The following ROBO2 variants were observed in gnomAD, a reference collection of about 807,000 sequenced individuals.
ROBO2 encodes roundabout guidance receptor 2.
Under a neutral mutation model 160.8 loss-of-function variants are expected in ROBO2, and 53 were observed. The observed-to-expected ratio is 0.33, with a 90% CI of 0.26 to 0.41. The LOEUF is 0.41. ROBO2 is among the 10% of genes least tolerant of loss of function. The pLI, the probability that ROBO2 is intolerant of heterozygous loss-of-function variation, is 1.00. For synonymous variants in ROBO2, 664 were observed against 611.7 expected, an observed-to-expected ratio of 1.09 and a Z score of -1.26; for missense variants, 1,577 against 1,722.4, an observed-to-expected ratio of 0.92 and a Z score of 1.49.
chr3:77,360,931 G>C (rs1482608797), intron 2 of ROBO2, among the ~76,000 whole-genome samples: 1 of 150,922 alleles, frequency 6.6e-6, no homozygotes, highest in African/African-American at 2.4e-5. Context: ...GTTTCTTGTT[G>C]GTAGTGAGTG....
At chr3:76,816,161 G>A (rs1248040999) in intron 2 of ROBO2, among the ~76,000 whole-genome samples, 1 of 152,102 alleles carries the variant, frequency 6.6e-6, no homozygotes, top group East Asian at 1.9e-4. Flanking sequence ...AAAGATTTGG[G>A]TGAACAAGTG....
intron 20 of ROBO2, among the ~76,000 whole-genome samples, chr3:77,605,290 A>G (rs1271294037): frequency 1.3e-5 from 2 of 151,964 alleles, no homozygotes; most frequent in East Asian, 3.9e-4. Flanking sequence ...AGAAATTCTC[A>G]CCTTAAAGTG....
intron 2 of ROBO2, among the ~76,000 whole-genome samples, chr3:77,295,879 G>A (rs1234173156): frequency 6.7e-6 from 1 of 148,292 alleles, no homozygotes; most frequent in Admixed American, 6.8e-5. Flanking sequence ...CAGACACAAA[G>A]TAAAATTGAC....
chr3:77,538,958 A>G, intron 6 of ROBO2: 1 of 440,876 alleles, frequency 2.3e-6, no homozygotes, highest in South Asian at 1.6e-5. Context: ...TCTGTCGCCC[A>G]GGCTGGAGAG....
intron 2 of ROBO2, among the ~76,000 whole-genome samples, chr3:76,301,156 C>T (rs572887313): frequency 3.2e-4 from 48 of 152,004 alleles, no homozygotes; most frequent in Non-Finnish European, 5.2e-4. Context: ...AAAGGAAGGA[C>T]ATTACTCAGG....
At chr3:76,973,956 T>C (rs2059692842) in intron 2 of ROBO2, among the ~76,000 whole-genome samples, 1 of 152,170 alleles carries the variant, frequency 6.6e-6, no homozygotes, top group Admixed American at 6.5e-5. Context: ...ACCAAAGTGA[T>C]GAACATACAA....
At chr3:77,335,968 T>C (rs2066456155) in intron 2 of ROBO2, among the ~76,000 whole-genome samples, 1 of 151,996 alleles carries the variant, frequency 6.6e-6, no homozygotes, top group African/African-American at 2.4e-5. Context: ...ATAATGGAGG[T>C]ATATGCAAGG....
At chr3:76,702,975 A>G (rs900192041) in intron 2 of ROBO2, among the ~76,000 whole-genome samples, 2 of 152,166 alleles carry the variant, frequency 1.3e-5, no homozygotes, top group East Asian at 3.9e-4. Context: ...AACAGAACAC[A>G]GAGATGTTGA....
chr3:77,319,834 C>A (rs1396612783), intron 2 of ROBO2, among the ~76,000 whole-genome samples: 1 of 152,152 alleles, frequency 6.6e-6, no homozygotes, highest in African/African-American at 2.4e-5. Context: ...CTTAGAAACT[C>A]TGTTGAGAAA....
chr3:76,025,481 AT>A (rs2066712019), intron 2 of ROBO2, among the ~76,000 whole-genome samples: 1 of 151,802 alleles, frequency 6.6e-6, no homozygotes, highest in Admixed American at 6.6e-5. Flanking sequence ...CATTGACACT[AT>A]AGATCATCCA....
At chr3:76,812,345 GAAAA>G (rs199902883) in intron 2 of ROBO2, among the ~76,000 whole-genome samples, 3 of 94,462 alleles carry the variant, frequency 3.2e-5, no homozygotes, top group Non-Finnish European at 6.5e-5. Context: ...AAAGCTATTT[GAAAA>G]AAAAAAAAAA....
intron 23 of ROBO2, among the ~76,000 whole-genome samples, chr3:77,628,305 G>A (rs1176650294): frequency 6.6e-6 from 1 of 151,962 alleles, no homozygotes; most frequent in African/African-American, 2.4e-5. Flanking sequence ...GGTTTTACCT[G>A]GTGTTCATTT....
intron 2 of ROBO2, among the ~76,000 whole-genome samples, chr3:77,400,837 A>C (rs1008512020): frequency 6.6e-6 from 1 of 151,728 alleles, no homozygotes; most frequent in Non-Finnish European, 1.5e-5. Context: ...GAGTTGTTAA[A>C]ATTCTATACC....
At chr3:76,140,854 C>T (rs1249300564) in intron 2 of ROBO2, among the ~76,000 whole-genome samples, 2 of 150,152 alleles carry the variant, frequency 1.3e-5, no homozygotes, top group South Asian at 2.1e-4. Context: ...TATAATTTCA[C>T]ATCCATATTG....
chr3:77,493,411 T>A, intron 5 of ROBO2, 29 bp downstream of exon 5: 1 of 1,611,696 alleles, frequency 6.2e-7, no homozygotes, highest in East Asian at 2.2e-5. Flanking sequence ...TGGAAGATTG[T>A]TAGATAACCA....
intron 2 of ROBO2, among the ~76,000 whole-genome samples, chr3:76,087,135 G>A (rs949896470): frequency 6.6e-6 from 1 of 151,924 alleles, no homozygotes; most frequent in Non-Finnish European, 1.5e-5. Context: ...CCAAATTAAT[G>A]ACAGACACCA....
rs2047239 is a variant in ROBO2 at position 76,325,810 on chromosome 3, G to A, written c.109+388208G>A. 5.9e-3 allele frequency among the ~76,000 whole-genome samples: 902 copies of A among 151,902 alleles called. 6 individuals carry two copies. The highest frequency in any genetic ancestry group is 9.8e-3 in the Non-Finnish European group (667 of 67,932). On this transcript the variant is annotated intron_variant, in intron 2 of 26. Transcript: ENST00000487694. ...AGTAAAAACACGTGGAAAGGCATTG[G>A]GAATAAAACATACCTGTTCCTTGTA...
chr3:77,388,745 T>A (rs977049755), intron 2 of ROBO2, among the ~76,000 whole-genome samples: 1 of 152,200 alleles, frequency 6.6e-6, no homozygotes, highest in Non-Finnish European at 1.5e-5. Flanking sequence ...ATTTGTGGCC[T>A]TTTACTACCA....
chr3:77,600,909 T>C (rs2094417283), intron 19 of ROBO2, among the ~76,000 whole-genome samples: 1 of 152,202 alleles, frequency 6.6e-6, no homozygotes, highest in African/African-American at 2.4e-5. Context: ...TGAAATATGA[T>C]AAGTTAAAAT....
Sources: allele counts gnomAD v4.1 joint callset (sites outside exome capture counted in the v4.1 genomes callset), GRCh38; gene constraint gnomAD v4.1.1; transcripts MANE v1.5; gene names NCBI Gene and HGNC (gene_info 2026-07-23, HGNC 2026-07-21).